Variants in EFCAB13 observed in about 807,000 individuals in gnomAD.
EFCAB13 encodes the protein EF-hand calcium binding domain 13, also known as EF-hand calcium-binding domain-containing protein 13.
A neutral mutation model predicts 110.2 loss-of-function variants in EFCAB13; 91 were observed. The ratio of observed to expected loss-of-function variants is 0.83; its 90% CI spans 0.70 to 0.98. The LOEUF is 0.98. EFCAB13 is among the 50% of genes least tolerant of loss of function. The pLI is 0.00. For synonymous variants in EFCAB13, 323 were observed against 369.9 expected (o/e 0.87, Z 1.45); for missense variants, 968 against 1,119.4 (o/e 0.86, Z 1.93).
chr17:47,399,026 G>A lies in EFCAB13; in HGVS notation c.1945+3049G>A, dbSNP rs564294446. ...GCAACCTCTGCCTCCCGGTTCAAGC[G>A]ATTCTGCTGCCTCAGCCTCCCAAGT... is the stretch of plus-strand genomic sequence containing the variant. On this transcript the variant is annotated intron_variant, in intron 17 of 24. Coordinates refer to ENST00000331493, the MANE Select transcript of EFCAB13 (RefSeq NM_152347.5). 2.7e-3 allele frequency among the ~76,000 whole-genome samples: 416 copies of A among 152,208 alleles called. 1 individual carries two copies. The highest frequency in any genetic ancestry group is 4.6e-3 in the Non-Finnish European group (315 of 68,014).
rs557776955 is a variant in EFCAB13, at chr17:47,421,009, C to A, written c.2494+6090C>A. 7.8e-3 allele frequency among the ~76,000 whole-genome samples: 961 copies of A among 123,466 alleles called. 13 individuals are homozygous for A. The highest frequency in any genetic ancestry group is 0.028 in the African/African-American group (922 of 32,810). The allele number at this position is 123,466 out of a possible 152,430, so 81.0% of individuals were successfully genotyped here. On this transcript the variant is annotated intron_variant, in intron 23 of 24. Transcript: ENST00000331493. ...GAGGTGAGGGGGTCAGCCCCCCGTCCGGGAGGGAGGTGGGGGGGTCAGCCC... is the reference window on the plus strand; with the variant it reads ...GAGGTGAGGGGGTCAGCCCCCCGTCAGGGAGGGAGGTGGGGGGGTCAGCCC...
chr17:47,374,725 T>C lies in EFCAB13; in HGVS notation c.1131T>C (p.Asn377=), dbSNP rs201836061. ...TTCTGGGTGGGGTTGGCAGCAGTAATGTAGGAGTCCAAGAACCATATTCAA... is the reference window on the plus strand; with the variant it reads ...TTCTGGGTGGGGTTGGCAGCAGTAACGTAGGAGTCCAAGAACCATATTCAA... The part of the protein sequence containing the change: ...RKFLGGVGSS[N]VGVQEPYSKN... Residue 377 remains asparagine (N), a synonymous_variant, in exon 12 of 25, where the codon AAT becomes AAC. Transcript: ENST00000331493. The C allele has an allele frequency of 1.2e-6, 2 of 1,613,996 alleles. No homozygotes were observed. The highest frequency in any genetic ancestry group is 1.7e-6 in the Non-Finnish European group (2 of 1,179,962).
intron 21 of EFCAB13, among the ~76,000 whole-genome samples, chr17:47,411,772 G>A (rs2065836601): frequency 6.6e-6 from 1 of 152,142 alleles, no homozygotes; most frequent in South Asian, 2.1e-4. Context: ...GGAGGTTGAG[G>A]GAGAAATTGA....
At chr17:47,359,287 T>C (rs2065497273) in intron 9 of EFCAB13, among the ~76,000 whole-genome samples, 1 of 152,066 alleles carries the variant, frequency 6.6e-6, no homozygotes, top group Admixed American at 6.6e-5. Context: ...TAAGCCGAGA[T>C]CGTGTGATTG....
intron 17 of EFCAB13, among the ~76,000 whole-genome samples, chr17:47,398,850 A>AAAT (rs2065763268): frequency 6.6e-6 from 1 of 151,990 alleles, no homozygotes; most frequent in South Asian, 2.1e-4. Flanking sequence ...ATAATCAATA[A>AAAT]AAATAAATAA....
At chr17:47,404,961 T>A (rs533918687) in intron 20 of EFCAB13, among the ~76,000 whole-genome samples, 1 of 152,264 alleles carries the variant, frequency 6.6e-6, no homozygotes, top group East Asian at 1.9e-4. Flanking sequence ...GTAAGAAGTA[T>A]AAAGTGCAAG....
At chr17:47,344,484 T>C (rs908121190) in intron 7 of EFCAB13, among the ~76,000 whole-genome samples, 192 bp downstream of exon 7, 6 of 152,022 alleles carry the variant, frequency 3.9e-5, no homozygotes, top group African/African-American at 1.4e-4. Context: ...TGACCTAACA[T>C]GCTTAGACTT....
chr17:47,403,792 A>G, intron 18 of EFCAB13, 86 bp from the exon 19 acceptor site: 1 of 1,259,348 alleles, frequency 7.9e-7, no homozygotes, highest in Non-Finnish European at 1.1e-6. Context: ...AGTTCAGGAT[A>G]CAATAATAAA....
At chr17:47,365,213 G>A (rs937365873) in intron 10 of EFCAB13, among the ~76,000 whole-genome samples, 14 of 152,280 alleles carry the variant, frequency 9.2e-5, no homozygotes, top group East Asian at 5.8e-4. Flanking sequence ...AGTACCTAGC[G>A]TGGTGCTTAT....
chr17:47,415,076 T>C (rs1389676651), intron 23 of EFCAB13, 157 bp downstream of exon 23: 1 of 478,720 alleles, frequency 2.1e-6, no homozygotes, highest in East Asian at 4.3e-5. Context: ...GATGAGTTCA[T>C]GTCCTTTGTA....
chr17:47,325,887 G>C (rs2065279626), intron 2 of EFCAB13, among the ~76,000 whole-genome samples: 1 of 134,512 alleles, frequency 7.4e-6, no homozygotes, highest in Admixed American at 7.6e-5. Flanking sequence ...TAGAACATAA[G>C]CTTCATGAGG....
At chr17:47,421,572 T>C (rs1282055580) in intron 23 of EFCAB13, among the ~76,000 whole-genome samples, 1 of 146,774 alleles carries the variant, frequency 6.8e-6, no homozygotes, top group Non-Finnish European at 1.5e-5. Flanking sequence ...TCCACTATTG[T>C]CCTATGACCG....
intron 18 of EFCAB13, 27 bp from the exon 19 acceptor site, chr17:47,403,851 A>C: frequency 6.3e-7 from 1 of 1,575,192 alleles, no homozygotes; most frequent in South Asian, 1.2e-5. Context: ...ACTGCTTTTT[A>C]TTAATTAACT....
At chr17:47,382,647 G>C (rs12453431) in intron 14 of EFCAB13, among the ~76,000 whole-genome samples, 1 of 152,056 alleles carries the variant, frequency 6.6e-6, no homozygotes, top group East Asian at 1.9e-4. Flanking sequence ...CTGTTTATGT[G>C]ATGATAAGCT....
rs543032561 is a variant in EFCAB13, at chr17:47,374,737, A to G, written c.1143A>G (p.Gln381=). 1,548 of 1,614,152 alleles carry G rather than the reference A, an allele frequency of 9.6e-4. 29 individuals carry two copies. The South Asian group carries it at 0.015, about 16-fold the overall frequency. Reference sequence around the variant, plus strand: ...TTGGCAGCAGTAATGTAGGAGTCCAAGAACCATATTCAAAGAATGGCATAA... The same window carrying G: ...TTGGCAGCAGTAATGTAGGAGTCCAGGAACCATATTCAAAGAATGGCATAA... ...GGVGSSNVGV[Q]EPYSKNGINF... Residue 381 remains glutamine (Q), a synonymous_variant, in exon 12 of 25, where the codon CAA becomes CAG. Coordinates refer to ENST00000331493, the MANE Select transcript of EFCAB13 (RefSeq NM_152347.5).
intron 5 of EFCAB13, among the ~76,000 whole-genome samples, chr17:47,339,073 TA>T (rs1440348591): frequency 6.6e-6 from 1 of 152,292 alleles, no homozygotes; most frequent in African/African-American, 2.4e-5. Flanking sequence ...AATTATAATA[TA>T]TTTTTTTATG....
intron 5 of EFCAB13, among the ~76,000 whole-genome samples, chr17:47,337,862 T>C (rs930191265): frequency 2.0e-5 from 3 of 152,192 alleles, no homozygotes; most frequent in Non-Finnish European, 4.4e-5. Flanking sequence ...TGAGTTATAG[T>C]ATCCAGTGTA....
At chr17:47,329,958 G>A (rs1598715472) in intron 4 of EFCAB13, 1 of 152,152 alleles carries the variant, frequency 6.6e-6, no homozygotes, top group African/African-American at 2.4e-5. Context: ...CACTGAAATA[G>A]TTCTGTTAAT....
intron 17 of EFCAB13, among the ~76,000 whole-genome samples, chr17:47,399,256 TAAAA>T (rs2065766441): frequency 6.6e-6 from 1 of 152,238 alleles, no homozygotes; most frequent in Non-Finnish European, 1.5e-5. Context: ...AGACAGTATA[TAAAA>T]TGCAGATTTT....
Sources: gnomAD v4.1 joint callset for allele counts (sites outside exome capture counted in the v4.1 genomes callset) on GRCh38, gnomAD v4.1.1 for gene constraint, MANE v1.5 for transcripts, NCBI Gene and HGNC (gene_info 2026-07-23, HGNC 2026-07-21) for gene names.